CAPN3: variants seen among roughly 807,000 people sequenced by gnomAD.
CAPN3 encodes calpain 3.
Under a neutral mutation model 114.0 loss-of-function variants are expected in CAPN3, and 88 were observed. That is an observed-to-expected ratio of 0.77 (90% CI 0.65 to 0.92). The LOEUF is 0.92. CAPN3 is among the 40% of genes least tolerant of loss of function. CAPN3 has a pLI of 0.00. For missense variants in CAPN3, 1,028 were observed against 1,069.0 expected (o/e 0.96, Z 0.53); for synonymous variants, 386 against 382.9 (o/e 1.01, Z -0.09).
rs568350673 is a variant in CAPN3 at position 42,410,178 on chromosome 15, G to A, written c.2115+183G>A. On this transcript the variant is annotated intron_variant, in intron 19 of 23. Transcript: ENST00000397163. ...GTTGTTAGAGGCGGAAGGGGAGGAT[G>A]TTGGGTTGTAACTGCCCTAACCCCT... 1.1e-4 allele frequency among the ~76,000 whole-genome samples: 16 copies of A among 152,290 alleles called. 1 individual carries two copies. The South Asian group carries it at 3.3e-3, about 32-fold the overall frequency.
intron 22 of CAPN3, 58 bp downstream of exon 22, chr15:42,411,058 G>C: frequency 7.5e-7 from 1 of 1,330,516 alleles, no homozygotes; most frequent in African/African-American, 1.4e-5. Context: ...GTGGCAACAG[G>C]CATCTCACCT....
chr15:42,374,276 G>A (rs1430128780), intron 1 of CAPN3: 2 of 152,664 alleles, frequency 1.3e-5, no homozygotes, highest in African/African-American at 2.4e-5. Context: ...TCTACTCCCA[G>A]AGCATTCGCC....
Position 42,360,090 on chromosome 15 carries a change from C to T in CAPN3, c.285C>T (p.Ile95=), listed in dbSNP as rs764639674. ...TCTTTTATAGCCAGAAGTTCCCCAT[C>T]CAGTTCGTCTGGAAGAGACCTCCGG... The part of the protein sequence containing the change: ...TSLFYSQKFP[I]QFVWKRPPEI... The change falls in exon 1 of 24, where the codon ATC becomes ATT. Residue 95 remains isoleucine (I), a synonymous_variant. Coordinates refer to ENST00000397163, the MANE Select transcript of CAPN3 (RefSeq NM_000070.3). 2.5e-6 allele frequency: 4 copies of T among 1,614,214 alleles called. No homozygotes were observed. The South Asian group carries it at 4.4e-5, about 18-fold the overall frequency.
At chr15:42,387,956 C>G (rs2053449165) in intron 4 of CAPN3, 70 bp downstream of exon 4, 1 of 1,588,580 alleles carries the variant, frequency 6.3e-7, no homozygotes, top group Non-Finnish European at 8.6e-7. Flanking sequence ...CAGCCGAGAC[C>G]TCACTCACAG....
chr15:42,387,988 C>T (rs772915190), intron 4 of CAPN3, 102 bp downstream of exon 4: 20 of 1,388,518 alleles, frequency 1.4e-5, no homozygotes, highest in East Asian at 9.2e-5. Flanking sequence ...TGCCTCTATA[C>T]GTGCATATGT....
At chr15:42,381,107 C>T (rs1236901678) in intron 1 of CAPN3, among the ~76,000 whole-genome samples, 1 of 152,042 alleles carries the variant, frequency 6.6e-6, no homozygotes, top group Non-Finnish European at 1.5e-5. Context: ...TATCTGTATG[C>T]TATAATTGCC....
intron 1 of CAPN3, among the ~76,000 whole-genome samples, chr15:42,363,740 T>C (rs1402319793): frequency 6.6e-6 from 1 of 152,200 alleles, no homozygotes; most frequent in African/African-American, 2.4e-5. Context: ...AACTAAATGC[T>C]TTCCATATGT....
At chr15:42,379,990 C>T (rs1166896784) in intron 1 of CAPN3, among the ~76,000 whole-genome samples, 1 of 152,150 alleles carries the variant, frequency 6.6e-6, no homozygotes, top group Non-Finnish European at 1.5e-5. Context: ...ATGGTGCATG[C>T]TTGTAATCGC....
intron 16 of CAPN3, 42 bp from the exon 17 acceptor site, chr15:42,409,261 C>A (rs1282111782): frequency 1.9e-6 from 3 of 1,598,286 alleles, no homozygotes; most frequent in Non-Finnish European, 2.6e-6. Flanking sequence ...GGCCTGTGCA[C>A]CTCTGACCCC....
rs1020455619 is a variant in CAPN3, at chr15:42,405,837, C to G, written c.1783-89C>G. On this transcript the variant is annotated intron_variant, in intron 14 of 23. Transcript: ENST00000397163. ...CTGGAGCCCCACCCCAAGCTAAAGACCAGGATACAGGGAAGCCAAAAGCCA... is the reference window on the plus strand; with the variant it reads ...CTGGAGCCCCACCCCAAGCTAAAGAGCAGGATACAGGGAAGCCAAAAGCCA... 2.1e-5 allele frequency: 22 copies of G among 1,036,710 alleles called. No homozygotes were observed. The Admixed American group carries it at 2.2e-4, about 11-fold the overall frequency. The allele number at this position is 1,036,710 out of a possible 1,614,324, so 64.2% of individuals were successfully genotyped here. A position where few individuals can be genotyped will look rare whatever the true frequency, so the allele number is the denominator to read the frequency against.
intron 10 of CAPN3, 105 bp downstream of exon 10, chr15:42,399,757 C>A: frequency 1.0e-6 from 1 of 964,666 alleles, no homozygotes; most frequent in Non-Finnish European, 1.5e-6. Flanking sequence ...CGTCCACTAT[C>A]TTATTAAACC....
intron 1 of CAPN3, among the ~76,000 whole-genome samples, chr15:42,375,711 G>C (rs2053074249): frequency 6.6e-6 from 1 of 152,134 alleles, no homozygotes; most frequent in Non-Finnish European, 1.5e-5. Context: ...TGTGAAGATG[G>C]TACAGAGTTC....
chr15:42,381,759 C>T (rs1163280649), intron 1 of CAPN3, among the ~76,000 whole-genome samples: 24 of 152,092 alleles, frequency 1.6e-4, no homozygotes, highest in Admixed American at 1.2e-3. Context: ...AGGCTGGTCT[C>T]GAACTCCTGG....
At chr15:42,397,204 C>T (rs1349478821) in intron 9 of CAPN3, among the ~76,000 whole-genome samples, 1 of 152,202 alleles carries the variant, frequency 6.6e-6, no homozygotes, top group Non-Finnish European at 1.5e-5. Context: ...CCTGATCTTC[C>T]AACGTCAACC....
At chr15:42,411,596 GAAACAGT>G in intron 23 of CAPN3, 144 bp from the exon 24 acceptor site, 2 of 734,438 alleles carry the variant, frequency 2.7e-6, no homozygotes, top group Non-Finnish European at 5.0e-6. Flanking sequence ...TAGGAGAAAG[GAAACAGT>G]AAGCCACTGC....
chr15:42,404,383 G>A (rs1437140326), intron 14 of CAPN3: 1 of 456,512 alleles, frequency 2.2e-6, no homozygotes, highest in Admixed American at 2.3e-5. Flanking sequence ...CTTTTCACAT[G>A]TGTCATCGCG....
intron 9 of CAPN3, among the ~76,000 whole-genome samples, chr15:42,398,426 A>G (rs1444033895): frequency 6.6e-6 from 1 of 152,020 alleles, no homozygotes; most frequent in Non-Finnish European, 1.5e-5. Context: ...CTCTACAAAA[A>G]TACAAAAATT....
rs72656903 is a variant in CAPN3, at chr15:42,392,174, AAAAG to A, written c.946-457_946-454del. Reference sequence around the variant, plus strand: ...AGCAAGACTCTGTCTCAAAAAACAAAAAAGAAAGAAAAAAAGAAAAAGCTAGACT... The same window carrying A: ...AGCAAGACTCTGTCTCAAAAAACAAAAAAGAAAAAAAGAAAAAGCTAGACT... On this transcript the variant is annotated intron_variant, in intron 6 of 23. Transcript: ENST00000397163. Among the ~76,000 whole-genome samples, 24 of 152,260 alleles carry A rather than the reference AAAAG, an allele frequency of 1.6e-4. No homozygotes were observed. In the East Asian group the frequency reaches 3.5e-3, roughly 22 times the overall value.
intron 8 of CAPN3, among the ~76,000 whole-genome samples, chr15:42,396,313 G>A (rs1029434932): frequency 6.7e-6 from 1 of 149,970 alleles, no homozygotes; most frequent in African/African-American, 2.5e-5. Flanking sequence ...CGCGATCTTG[G>A]CTCACTGCAA....
Sources: allele counts gnomAD v4.1 joint callset (sites outside exome capture counted in the v4.1 genomes callset), GRCh38; gene constraint gnomAD v4.1.1; transcripts MANE v1.5; gene names NCBI Gene and HGNC (gene_info 2026-07-23, HGNC 2026-07-21).